Variants in SH3BGR observed in about 807,000 individuals in gnomAD.
The protein encoded by SH3BGR is SH3 domain binding glutamate rich protein, also known as SH3 domain-binding glutamic acid-rich protein.
Under a neutral mutation model 24.5 loss-of-function variants are expected in SH3BGR, and 29 were observed. The ratio of observed to expected loss-of-function variants is 1.18; its 90% CI spans 0.88 to 1.61. SH3BGR has a LOEUF of 1.61. Among genes scored for constraint, SH3BGR ranks in the 40% most tolerant of loss-of-function variants. SH3BGR has a pLI of 0.00. For missense variants in SH3BGR, 162 were observed against 205.8 expected (o/e 0.79, Z 1.30); for synonymous variants, 55 against 65.7 (o/e 0.84, Z 0.79).
chr21:39,505,571 G>A (rs139668666), intron 4 of SH3BGR, among the ~76,000 whole-genome samples: 4,007 of 152,174 alleles, frequency 0.026, 194 homozygotes, highest in African/African-American at 0.092. Context: ...TGAAACCAGC[G>A]TGGCCAACAT....
At chr21:39,464,785 C>T (rs1442295390) in intron 2 of SH3BGR, among the ~76,000 whole-genome samples, 1 of 152,290 alleles carries the variant, frequency 6.6e-6, no homozygotes, top group Non-Finnish European at 1.5e-5. Flanking sequence ...TTACCTGACC[C>T]ACATTTCTCA....
chr21:39,490,211 A>G (rs1209831357), intron 3 of SH3BGR, among the ~76,000 whole-genome samples: 1 of 152,236 alleles, frequency 6.6e-6, no homozygotes, highest in Non-Finnish European at 1.5e-5. Flanking sequence ...GCCGGGAGGC[A>G]GAGCTGAGGA....
chr21:39,477,396 A>G (rs540963484), intron 3 of SH3BGR, among the ~76,000 whole-genome samples: 16 of 152,288 alleles, frequency 1.1e-4, no homozygotes, highest in African/African-American at 3.8e-4. Context: ...TCAGCTTTCC[A>G]AGTAGCCAGG....
chr21:39,448,523 C>T (rs146522468), upstream of SH3BGR, among the ~76,000 whole-genome samples: 20 of 152,144 alleles, frequency 1.3e-4, no homozygotes, highest in Non-Finnish European at 2.1e-4. Context: ...CTCCAACAGA[C>T]GGACAAAATG....
chr21:39,457,339 AT>A (rs1267646878), intron 1 of SH3BGR, among the ~76,000 whole-genome samples: 12 of 142,918 alleles, frequency 8.4e-5, no homozygotes, highest in Admixed American at 1.4e-4. Context: ...ATTATTATAT[AT>A]TATATAGTTA....
chr21:39,499,996 T>C, intron 4 of SH3BGR, 81 bp downstream of exon 4: 1 of 1,011,690 alleles, frequency 9.9e-7, no homozygotes. Flanking sequence ...AACTTGACTC[T>C]GGGCACAAGC....
chr21:39,450,215 T>C (rs1454460579), upstream of SH3BGR, among the ~76,000 whole-genome samples: 1 of 152,170 alleles, frequency 6.6e-6, no homozygotes, highest in Non-Finnish European at 1.5e-5. Context: ...GAAAAACTGA[T>C]CTGTAATCCT....
chr21:39,468,528 T>C (rs997779582), intron 2 of SH3BGR, among the ~76,000 whole-genome samples: 1 of 152,106 alleles, frequency 6.6e-6, no homozygotes, highest in Non-Finnish European at 1.5e-5. Context: ...AGCCTCAACC[T>C]CCTGTACTCG....
chr21:39,495,707 C>T (rs8126860), intron 3 of SH3BGR, among the ~76,000 whole-genome samples: 84,738 of 151,824 alleles, frequency 0.56, 24,040 homozygotes, highest in East Asian at 0.68. Context: ...AGTCTTGAAC[C>T]CTTGGCCTCA....
chr21:39,473,142 A>G (rs2077969463), intron 2 of SH3BGR, among the ~76,000 whole-genome samples: 1 of 152,302 alleles, frequency 6.6e-6, no homozygotes, highest in Non-Finnish European at 1.5e-5. Context: ...GCATCAAGTC[A>G]AAGATAATGA....
In SH3BGR at chr21:39,452,070, G is replaced by T. The variant is rs772265018; in HGVS notation, c.-27G>T. On this transcript the variant is annotated 5_prime_UTR_variant, in exon 1 of 7. Transcript: ENST00000333634. Reference sequence around the variant, plus strand: ...CGCATTCCCTGACAGGGGTGTGTTGGGGGGAGTCCTCTTTCCAACTGTCGA... The same window carrying T: ...CGCATTCCCTGACAGGGGTGTGTTGTGGGGAGTCCTCTTTCCAACTGTCGA... The T allele has an allele frequency of 1.2e-6, 2 of 1,614,092 alleles. No individual in the cohort carries two copies. Among genetic ancestry groups the T allele is most frequent in the Non-Finnish European group, 8.5e-7 (1 of 1,179,990 alleles).
intron 2 of SH3BGR, among the ~76,000 whole-genome samples, chr21:39,466,683 A>G (rs1185488249): frequency 1.3e-5 from 2 of 152,188 alleles, no homozygotes; most frequent in African/African-American, 2.4e-5. Flanking sequence ...TTATAAAACC[A>G]TCAGATCTCA....
chr21:39,479,222 A>G (rs1490140370), intron 3 of SH3BGR, among the ~76,000 whole-genome samples: 1 of 132,352 alleles, frequency 7.6e-6, no homozygotes, highest in Non-Finnish European at 1.5e-5. Flanking sequence ...TGGAGGTGGT[A>G]AGGGTGGTGG....
At chr21:39,480,839 A>C (rs952165807) in intron 3 of SH3BGR, among the ~76,000 whole-genome samples, 2 of 152,126 alleles carry the variant, frequency 1.3e-5, no homozygotes, top group African/African-American at 2.4e-5. Flanking sequence ...GTTGATTCTG[A>C]TGCTCATTTC....
Position 39,511,774 on chromosome 21 carries a change from A to G in SH3BGR, c.530A>G (p.Ter177TrpextTer49). The change falls in exon 6 of 7, where the codon TAG becomes TGG. Residue 177 changes from the stop codon to tryptophan (W), a stop_lost. Coordinates refer to ENST00000333634, the MANE Select transcript of SH3BGR (RefSeq NM_007341.3). The surrounding 1 kb of genome is among the most constrained non-coding windows in gnomAD (Gnocchi z 4.2). ...GAGCCTGGAGAAGACGAAGATTCCT[A>G]GGCCTTTTCATGCTTCATTTCTTCC... ...GEEPGEDEDS[*>W] 3 of 1,609,646 alleles carry G rather than the reference A, an allele frequency of 1.9e-6. No individual in the cohort carries two copies. Among genetic ancestry groups the G allele is most frequent in the Non-Finnish European group, 2.5e-6 (3 of 1,178,932 alleles).
chr21:39,479,635 C>A (rs2078099434), intron 3 of SH3BGR, among the ~76,000 whole-genome samples: 2 of 152,142 alleles, frequency 1.3e-5, no homozygotes, highest in African/African-American at 4.8e-5. Context: ...CCTACTTCAG[C>A]TGGCCTCATG....
intron 6 of SH3BGR, among the ~76,000 whole-genome samples, chr21:39,512,331 T>C (rs1328921078): frequency 6.6e-6 from 1 of 152,170 alleles, no homozygotes; most frequent in African/African-American, 2.4e-5. Context: ...CGTCAGTGCT[T>C]GGTACTCCAT....
chr21:39,466,493 A>T (rs1389725410), intron 2 of SH3BGR, among the ~76,000 whole-genome samples: 1 of 152,208 alleles, frequency 6.6e-6, no homozygotes, highest in Non-Finnish European at 1.5e-5. Context: ...TCACGCTGCT[A>T]ATAAAGACGT....
rs1426591221 is a variant in SH3BGR at position 39,511,282 on chromosome 21, TTGTG to T, written c.436-392_436-389del. On this transcript the variant is annotated intron_variant, in intron 5 of 6. Coordinates refer to ENST00000333634, the MANE Select transcript of SH3BGR (RefSeq NM_007341.3). The surrounding 1 kb of genome is among the most constrained non-coding windows in gnomAD (Gnocchi z 4.2). ...TGTATGTGTGATGTGTATGTGTATA[TTGTG>T]TGTGTATTTGTGGTATATGTGATGT... 3.3e-5 allele frequency among the ~76,000 whole-genome samples: 5 copies of T among 150,818 alleles called. No individual in the cohort carries two copies. The highest frequency in any genetic ancestry group is 5.9e-5 in the Non-Finnish European group (4 of 67,628).
Sources: gnomAD v4.1 joint callset for allele counts (sites outside exome capture counted in the v4.1 genomes callset) on GRCh38, gnomAD v4.1.1 for gene constraint, Gnocchi (gnomAD v3.1) non-coding constraint, MANE v1.5 for transcripts, NCBI Gene and HGNC (gene_info 2026-07-23, HGNC 2026-07-21) for gene names.